ERC2: variants seen among roughly 807,000 people sequenced by gnomAD.
ERC2 encodes ERC protein 2.
ERC2 carries 42 observed loss-of-function variants against 114.8 expected under a neutral mutation model. The ratio of observed to expected loss-of-function variants is 0.37; its 90% confidence interval spans 0.29 to 0.47. The LOEUF (loss-of-function observed/expected upper bound fraction) is 0.47, where lower values mean the gene tolerates loss of function less well. Ranked by LOEUF, ERC2 falls within the 20% of genes least tolerant of loss-of-function variation. ERC2 has a pLI of 0.99. For synonymous variants in ERC2, 454 were observed against 425.5 expected (o/e 1.07, Z -0.82); for missense variants, 939 against 1,150.7 (o/e 0.82, Z 2.66).
chr3:56,353,084 G>A lies in ERC2; in HGVS notation c.658-56649C>T, dbSNP rs899616066. Among the ~76,000 whole-genome samples the A allele has an allele frequency of 1.6e-4, 24 of 152,248 alleles. 1 individual carries two copies. Among genetic ancestry groups the A allele is most frequent in the Middle Eastern group, 3.4e-3 (1 of 294 alleles). On this transcript the variant is annotated intron_variant, in intron 2 of 17. Coordinates refer to ENST00000288221, the MANE Select transcript of ERC2 (RefSeq NM_015576.3). ...GAGTCTAGGAGGCAAGGGTCATGGGGTCTGTTAGAGTCTGTTAGAAGGGTC... is the reference window on the plus strand; with the variant it reads ...GAGTCTAGGAGGCAAGGGTCATGGGATCTGTTAGAGTCTGTTAGAAGGGTC...
At chr3:56,162,852 G>C (rs2082123916) in intron 4 of ERC2, among the ~76,000 whole-genome samples, 1 of 151,806 alleles carries the variant, frequency 6.6e-6, no homozygotes, top group South Asian at 2.1e-4. Flanking sequence ...ATGCATTTTT[G>C]GGTCTCAATT....
intron 14 of ERC2, among the ~76,000 whole-genome samples, chr3:55,827,500 C>A (rs897751103): frequency 9.9e-5 from 15 of 152,050 alleles, no homozygotes; most frequent in Admixed American, 7.2e-4. Context: ...TCATAATCAA[C>A]CCCTACCTTG....
chr3:56,118,967 T>C (rs1187166398), intron 6 of ERC2, among the ~76,000 whole-genome samples: 3 of 152,162 alleles, frequency 2.0e-5, no homozygotes, highest in African/African-American at 4.8e-5. Context: ...GCTTGGCAAA[T>C]TGTTTTTGGT....
intron 14 of ERC2, among the ~76,000 whole-genome samples, chr3:55,833,341 A>G (rs1489247167): frequency 3.3e-5 from 5 of 151,152 alleles, no homozygotes; most frequent in African/African-American, 1.2e-4. Context: ...AGGAAAAAAT[A>G]TTAAGGGCAG....
intron 17 of ERC2, among the ~76,000 whole-genome samples, chr3:55,596,360 T>G (rs572364153): frequency 1.3e-5 from 2 of 152,282 alleles, no homozygotes; most frequent in African/African-American, 4.8e-5. Context: ...GGCAGGAGGA[T>G]TGCTTGAGCC....
At chr3:55,695,158 T>C (rs764950833) in intron 16 of ERC2, among the ~76,000 whole-genome samples, 6 of 152,250 alleles carry the variant, frequency 3.9e-5, no homozygotes, top group Non-Finnish European at 5.9e-5. Context: ...GAATTTCTAC[T>C]TGGCTTTGTG....
intron 17 of ERC2, among the ~76,000 whole-genome samples, chr3:55,595,661 T>A (rs918392092): frequency 3.9e-5 from 6 of 152,260 alleles, no homozygotes; most frequent in Admixed American, 3.3e-4. Context: ...GTCAGTGTTT[T>A]ATGCAGTTTA....
chr3:56,201,961 T>C (rs1445874812), intron 3 of ERC2, among the ~76,000 whole-genome samples: 1 of 152,196 alleles, frequency 6.6e-6, no homozygotes, highest in South Asian at 2.1e-4. Flanking sequence ...GAGAAGCAAA[T>C]GCTGCCATTA....
At chr3:55,959,200 G>A (rs1314100500) in intron 12 of ERC2, among the ~76,000 whole-genome samples, 2 of 152,172 alleles carry the variant, frequency 1.3e-5, no homozygotes, top group Admixed American at 6.5e-5. Context: ...AGGTGACACA[G>A]CAGAAGGTAA....
intron 13 of ERC2, among the ~76,000 whole-genome samples, chr3:55,892,648 C>T (rs143987403): frequency 7.2e-5 from 11 of 152,118 alleles, no homozygotes; most frequent in Non-Finnish European, 1.2e-4. Context: ...CCTCCCAAGT[C>T]CCACCACCTA....
intron 14 of ERC2, among the ~76,000 whole-genome samples, chr3:55,736,329 C>T (rs1218228173): frequency 2.0e-5 from 3 of 152,134 alleles, no homozygotes; most frequent in South Asian, 2.1e-4. Flanking sequence ...CAGCACATTT[C>T]GTTCCAGGTC....
chr3:55,784,344 T>A (rs1027227292), intron 14 of ERC2, among the ~76,000 whole-genome samples: 1 of 152,180 alleles, frequency 6.6e-6, no homozygotes, highest in African/African-American at 2.4e-5. Context: ...AGTTCATCAT[T>A]TTCCATCTTT....
At chr3:55,793,600 T>C (rs2070233596) in intron 14 of ERC2, among the ~76,000 whole-genome samples, 1 of 152,152 alleles carries the variant, frequency 6.6e-6, no homozygotes, top group African/African-American at 2.4e-5. Context: ...ATTGATGATA[T>C]AAATATAATA....
chr3:56,263,661 AG>A (rs2053096108), intron 3 of ERC2, among the ~76,000 whole-genome samples: 4 of 152,248 alleles, frequency 2.6e-5, no homozygotes, highest in Admixed American at 2.6e-4. Context: ...AGACTGATGT[AG>A]TAATTAAAAG....
At chr3:56,403,793 G>A (rs952482742) in intron 2 of ERC2, among the ~76,000 whole-genome samples, 4 of 152,268 alleles carry the variant, frequency 2.6e-5, no homozygotes, top group East Asian at 1.9e-4. Flanking sequence ...ATATGATCTG[G>A]ATTCCAAATC....
intron 7 of ERC2, among the ~76,000 whole-genome samples, chr3:56,023,343 C>A (rs1432534398): frequency 6.6e-6 from 1 of 152,132 alleles, no homozygotes; most frequent in Non-Finnish European, 1.5e-5. Flanking sequence ...TGAGGCCCTC[C>A]GAGGGATGGT....
chr3:56,326,145 G>A (rs2057351273), intron 2 of ERC2, among the ~76,000 whole-genome samples: 1 of 152,212 alleles, frequency 6.6e-6, no homozygotes, highest in Non-Finnish European at 1.5e-5. Flanking sequence ...ATTGGAAACT[G>A]AGAGGCTGAG....
At chr3:55,813,860 T>C (rs553656988) in intron 14 of ERC2, among the ~76,000 whole-genome samples, 1 of 152,290 alleles carries the variant, frequency 6.6e-6, no homozygotes, top group East Asian at 1.9e-4. Context: ...TAAAGCCACA[T>C]TGGCTCATTT....
At chr3:56,119,208 A>G (rs185016651) in intron 6 of ERC2, among the ~76,000 whole-genome samples, 2 of 152,340 alleles carry the variant, frequency 1.3e-5, no homozygotes. Context: ...GGTTGTTACC[A>G]CAGCTTAACA....
Sources: gnomAD v4.1 joint callset for allele counts (sites outside exome capture counted in the v4.1 genomes callset) on GRCh38, gnomAD v4.1.1 for gene constraint, MANE v1.5 for transcripts, NCBI Gene and HGNC (gene_info 2026-07-23, HGNC 2026-07-21) for gene names.